Variants in GBF1 observed in about 807,000 individuals in gnomAD.
GBF1 encodes the protein Golgi-specific brefeldin A-resistance guanine nucleotide exchange factor 1.
A neutral mutation model predicts 210.5 loss-of-function variants in GBF1; 114 were observed. The observed-to-expected ratio is 0.54, with a 90% CI of 0.47 to 0.63. The LOEUF (loss-of-function observed/expected upper bound fraction) is 0.63. GBF1 is among the 30% of genes least tolerant of loss of function. The pLI is 0.00. For synonymous variants in GBF1, 850 were observed against 889.2 expected (o/e 0.96, Z 0.78); for missense variants, 1,851 against 2,357.7 (o/e 0.79, Z 4.45).
At chr10:102,297,795 C>G (rs913030667) in intron 3 of GBF1, among the ~76,000 whole-genome samples, 1 of 152,172 alleles carries the variant, frequency 6.6e-6, no homozygotes, top group Non-Finnish European at 1.5e-5. Flanking sequence ...ACCAATCACT[C>G]ATCAAGTAGT....
chr10:102,346,806 C>T (rs377597347), intron 4 of GBF1, among the ~76,000 whole-genome samples: 11 of 152,200 alleles, frequency 7.2e-5, no homozygotes, highest in Non-Finnish European at 1.3e-4. Flanking sequence ...TGCACTCAGC[C>T]TTTTGTTGCT....
At chr10:102,287,413 C>A (rs1210713208) in intron 3 of GBF1, among the ~76,000 whole-genome samples, 1 of 138,780 alleles carries the variant, frequency 7.2e-6, no homozygotes, top group Non-Finnish European at 1.5e-5. Flanking sequence ...GTCTCAAACT[C>A]CTGGGCTCAA....
chr10:102,237,992 T>C, the GBF1 span, among the ~76,000 whole-genome samples: 1 of 151,966 alleles, frequency 6.6e-6, no homozygotes, highest in African/African-American at 2.4e-5. Flanking sequence ...TATTTGACCA[T>C]GGTGAGCATA....
intron 3 of GBF1, among the ~76,000 whole-genome samples, chr10:102,298,880 C>G (rs114445300): frequency 0.01 from 1,563 of 152,304 alleles, 23 homozygotes; most frequent in African/African-American, 0.036. Flanking sequence ...CTTGACTATT[C>G]TCATCCTCAT....
At position 102,365,515 on chromosome 10, in the gene GBF1, G is replaced by A. The variant is rs1289480368; in HGVS notation, c.2225G>A (p.Arg742Gln). The change falls in exon 18 of 40, where the codon CGA becomes CAA. Residue 742 changes from arginine (R) to glutamine (Q), a missense_variant. Physicochemically the swap from Arg to Gln is conservative, Grantham distance 43. Transcript: ENST00000369983. ...MDNTEVAQWLRENPRLDKKMI... is the reference protein window; with the variant it reads ...MDNTEVAQWLQENPRLDKKMI... Reference sequence around the variant, plus strand: ...AACACAGAGGTTGCTCAGTGGCTCCGAGAGAACCCTCGGCTGGACAAGAAG... The same window carrying A: ...AACACAGAGGTTGCTCAGTGGCTCCAAGAGAACCCTCGGCTGGACAAGAAG... 8.7e-6 allele frequency: 14 copies of A among 1,614,206 alleles called. No individual in the cohort carries two copies. The highest frequency in any genetic ancestry group is 2.2e-5 in the East Asian group (1 of 44,886).
intron 3 of GBF1, among the ~76,000 whole-genome samples, chr10:102,273,726 A>G (rs1372383117): frequency 6.6e-6 from 1 of 152,248 alleles, no homozygotes; most frequent in Non-Finnish European, 1.5e-5. Flanking sequence ...TCAGTAAGAC[A>G]GTTCTATTTA....
Position 102,343,597 on chromosome 10 carries a change from T to C in GBF1, c.164-454T>C, listed in dbSNP as rs117903675. Reference sequence around the variant, plus strand: ...CTTTGGGAGGGCAAGGCAGGGACAATTGCTTGAGCTCAGGAGTTCGAGACC... The same window carrying C: ...CTTTGGGAGGGCAAGGCAGGGACAACTGCTTGAGCTCAGGAGTTCGAGACC... On this transcript the variant is annotated intron_variant, in intron 3 of 39. Transcript: ENST00000369983. Among the ~76,000 whole-genome samples the C allele has an allele frequency of 3.5e-4, 54 of 152,184 alleles. 1 individual carries two copies. In the East Asian group the frequency reaches 0.01, roughly 29 times the overall value.
chr10:102,292,345 C>T (rs1156720080), intron 3 of GBF1, among the ~76,000 whole-genome samples: 1 of 152,000 alleles, frequency 6.6e-6, no homozygotes, highest in Non-Finnish European at 1.5e-5. Flanking sequence ...ACCAAACGAT[C>T]TCTCAAGTAT....
In GBF1 at chr10:102,366,527, C is replaced by T. The variant is rs759692694; in HGVS notation, c.2433+21C>T. ...GGATGGTGAGTTTGAGTGTCAGGGGCTGAGCCCAGGATCCAAGGTCAGTTT... is the reference window on the plus strand; with the variant it reads ...GGATGGTGAGTTTGAGTGTCAGGGGTTGAGCCCAGGATCCAAGGTCAGTTT... On this transcript the variant is annotated intron_variant, in intron 19 of 39. Transcript: ENST00000369983. This position sits in a 1 kb window ranked among gnomAD's most constrained non-coding sequence, Gnocchi z 4.0. 2.6e-5 allele frequency: 42 copies of T among 1,605,936 alleles called. No homozygotes were observed. The African/African-American group carries it at 4.7e-4, about 18-fold the overall frequency.
At chr10:102,287,753 C>G (rs2076084465) in intron 3 of GBF1, among the ~76,000 whole-genome samples, 1 of 152,190 alleles carries the variant, frequency 6.6e-6, no homozygotes, top group Admixed American at 6.5e-5. Flanking sequence ...ACTTTGTTTT[C>G]TGACCCAACC....
intron 1 of GBF1, among the ~76,000 whole-genome samples, chr10:102,246,321 G>A (rs150732639): frequency 6.6e-6 from 1 of 152,154 alleles, no homozygotes; most frequent in Non-Finnish European, 1.5e-5. Flanking sequence ...TTATAGCAGC[G>A]CAGGGAACTG....
chr10:102,265,683 CAATGAATGAATG>C (rs559652556), intron 3 of GBF1, among the ~76,000 whole-genome samples: 7 of 151,844 alleles, frequency 4.6e-5, no homozygotes, highest in South Asian at 2.1e-4. Context: ...GAGACCCTTT[CAATGAATGAATG>C]AATGAATGAA....
chr10:102,296,416 TC>T (rs1047598897), intron 3 of GBF1, among the ~76,000 whole-genome samples: 2 of 152,192 alleles, frequency 1.3e-5, no homozygotes, highest in African/African-American at 4.8e-5. Context: ...CTGGTAGAAA[TC>T]CAGGTCTAAG....
At chr10:102,357,803 G>T (rs923281602) in intron 8 of GBF1, among the ~76,000 whole-genome samples, 3 of 152,164 alleles carry the variant, frequency 2.0e-5, no homozygotes, top group African/African-American at 7.2e-5. Context: ...CCAATGACCA[G>T]CCCAGAAACA....
intron 3 of GBF1, among the ~76,000 whole-genome samples, chr10:102,335,310 G>T (rs2057652615): frequency 2.6e-5 from 4 of 152,172 alleles, no homozygotes; most frequent in Admixed American, 2.6e-4. Context: ...TCTGCACTCT[G>T]TGTTTACTGG....
intron 3 of GBF1, among the ~76,000 whole-genome samples, chr10:102,270,359 A>C (rs1020443704): frequency 1.3e-5 from 2 of 152,040 alleles, no homozygotes; most frequent in African/African-American, 4.8e-5. Context: ...TGGTAGAGAC[A>C]GGGTTTCACC....
chr10:102,299,252 T>C (rs534631636), intron 3 of GBF1, among the ~76,000 whole-genome samples: 1 of 152,180 alleles, frequency 6.6e-6, no homozygotes, highest in Non-Finnish European at 1.5e-5. Context: ...TCCAGTTACA[T>C]AGCATTCTGG....
intron 8 of GBF1, among the ~76,000 whole-genome samples, chr10:102,357,505 A>G (rs1280805258): frequency 2.0e-5 from 3 of 151,524 alleles, no homozygotes; most frequent in Non-Finnish European, 4.4e-5. Flanking sequence ...AAAAAAAAAT[A>G]TGTTTATGGC....
chr10:102,315,548 A>C (rs1183499023), intron 3 of GBF1, among the ~76,000 whole-genome samples: 1 of 152,140 alleles, frequency 6.6e-6, no homozygotes, highest in Non-Finnish European at 1.5e-5. Context: ...TTGGGATGAA[A>C]GTGTTCGACC....
Sources: allele counts gnomAD v4.1 joint callset (sites outside exome capture counted in the v4.1 genomes callset), GRCh38; gene constraint gnomAD v4.1.1; non-coding constraint Gnocchi (gnomAD v3.1); transcripts MANE v1.5; gene names NCBI Gene and HGNC (gene_info 2026-07-23, HGNC 2026-07-21).